The following SCEL variants were observed in gnomAD, a reference collection of about 807,000 sequenced individuals.
SCEL encodes sciellin.
SCEL carries 113 observed loss-of-function variants against 117.6 expected under a neutral mutation model. The ratio of observed to expected loss-of-function variants is 0.96; its 90% CI spans 0.83 to 1.12. SCEL has a LOEUF of 1.12. Among genes scored for constraint, SCEL ranks in the 50% most tolerant of loss-of-function variants. SCEL has a pLI of 0.00. For missense variants in SCEL, 785 were observed against 810.8 expected, an observed-to-expected ratio of 0.97 and a Z score of 0.39; for synonymous variants, 270 against 256.2, an observed-to-expected ratio of 1.05 and a Z score of -0.51.
chr13:77,553,866 T>C (rs2084495450), intron 1 of SCEL, among the ~76,000 whole-genome samples: 1 of 152,144 alleles, frequency 6.6e-6, no homozygotes, highest in Non-Finnish European at 1.5e-5. Context: ...AGACCTGAGC[T>C]AATAACATAC....
At chr13:77,622,380 A>G (rs1452044580) in intron 27 of SCEL, among the ~76,000 whole-genome samples, 1 of 152,212 alleles carries the variant, frequency 6.6e-6, no homozygotes. Flanking sequence ...ATAGTAAGAG[A>G]CATAATTCCT....
At chr13:77,592,158 A>G (rs2154400263) in intron 11 of SCEL, among the ~76,000 whole-genome samples, 1 of 152,254 alleles carries the variant, frequency 6.6e-6, no homozygotes, top group Admixed American at 6.5e-5. Context: ...AAACTTATAT[A>G]CTTTTCATTT....
chr13:77,575,367 T>C (rs2085881365), intron 9 of SCEL, among the ~76,000 whole-genome samples: 1 of 152,200 alleles, frequency 6.6e-6, no homozygotes, highest in East Asian at 1.9e-4. Flanking sequence ...TTCCTACGTC[T>C]ACATCTATAT....
intron 7 of SCEL, 40 bp from the exon 8 acceptor site, chr13:77,569,331 T>A (rs1383304455): frequency 6.6e-7 from 1 of 1,511,670 alleles, no homozygotes; most frequent in East Asian, 2.3e-5. Context: ...AATGAAAAAG[T>A]TTGAGAGTGG....
rs576592999 is a variant in SCEL at position 77,555,478 on chromosome 13, T to C, written c.-19-379T>C. Among the ~76,000 whole-genome samples, 3 of 152,336 alleles carry C rather than the reference T, an allele frequency of 2.0e-5. No homozygotes were observed. In the East Asian group the frequency reaches 5.8e-4, roughly 29 times the overall value. The stretch of plus-strand genomic sequence containing the variant: ...GTTCAGCACAATCTCTCTCTCTCCC[T>C]CTTGACTATGCCCAGACACTTGTCT... On this transcript the variant is annotated intron_variant, in intron 1 of 32. Transcript: ENST00000349847.
At chr13:77,608,187 T>C in intron 20 of SCEL, 72 bp downstream of exon 20, 2 of 1,209,022 alleles carry the variant, frequency 1.7e-6, no homozygotes, top group Non-Finnish European at 2.4e-6. Context: ...AGAAGATGTG[T>C]TGAAAAACCT....
At chr13:77,547,089 T>C (rs1321253029) in intron 1 of SCEL, among the ~76,000 whole-genome samples, 1 of 152,192 alleles carries the variant, frequency 6.6e-6, no homozygotes, top group Non-Finnish European at 1.5e-5. Flanking sequence ...ATATCAGATA[T>C]GCAATCATTG....
Position 77,538,115 on chromosome 13 carries a change from C to CTT in SCEL, c.-20+2310_-20+2311dup, listed in dbSNP as rs35197581. Among the ~76,000 whole-genome samples the CTT allele has an allele frequency of 5.0e-3, 643 of 128,940 alleles. 8 individuals are homozygous for CTT. Among genetic ancestry groups the CTT allele is most frequent in the African/African-American group, 0.017 (608 of 35,406 alleles). The allele number at this position is 128,940 out of a possible 152,430, so 84.6% of individuals were successfully genotyped here. On this transcript the variant is annotated intron_variant, in intron 1 of 32. Coordinates refer to ENST00000349847, the MANE Select transcript of SCEL (RefSeq NM_144777.3). ...CAAAGCTCACTTCTGAATCAAAAGT[C>CTT]TTTTTTTTTTTTTTTTTTTTAAATG...
intron 1 of SCEL, among the ~76,000 whole-genome samples, chr13:77,537,241 C>T (rs188417215): frequency 6.6e-4 from 101 of 152,296 alleles, no homozygotes; most frequent in Middle Eastern, 3.4e-3. Flanking sequence ...TCAACTGAAA[C>T]GGAGCATAGG....
At chr13:77,610,674 C>T (rs1442513773) in intron 22 of SCEL, among the ~76,000 whole-genome samples, 1 of 152,026 alleles carries the variant, frequency 6.6e-6, no homozygotes, top group Non-Finnish European at 1.5e-5. Context: ...GGGGATTCCC[C>T]ATGAGACAAA....
intron 28 of SCEL, among the ~76,000 whole-genome samples, chr13:77,631,611 C>A (rs1304318500): frequency 6.6e-6 from 1 of 152,130 alleles, no homozygotes; most frequent in East Asian, 1.9e-4. Context: ...TGGAATTTTT[C>A]TGTACATTTA....
chr13:77,579,447 G>A (rs757567114), intron 9 of SCEL, among the ~76,000 whole-genome samples: 10 of 152,106 alleles, frequency 6.6e-5, no homozygotes, highest in Non-Finnish European at 1.0e-4. Context: ...TTGTCTTTTT[G>A]TAGTTGTGCT....
intron 11 of SCEL, among the ~76,000 whole-genome samples, chr13:77,593,300 G>GTGTGCGTGCGTC (rs1555510801): frequency 6.9e-6 from 1 of 145,148 alleles, no homozygotes; most frequent in Non-Finnish European, 1.5e-5. Context: ...GTGTGTGTCT[G>GTGTGCGTGCGTC]TGTGTGTGTG....
At chr13:77,576,084 C>T (rs1479522158) in intron 9 of SCEL, among the ~76,000 whole-genome samples, 1 of 152,186 alleles carries the variant, frequency 6.6e-6, no homozygotes, top group Non-Finnish European at 1.5e-5. Flanking sequence ...ACCTACTCAG[C>T]TGACACCCTT....
intron 9 of SCEL, among the ~76,000 whole-genome samples, chr13:77,587,325 A>T (rs926582447): frequency 6.6e-6 from 1 of 151,966 alleles, no homozygotes; most frequent in African/African-American, 2.4e-5. Context: ...TCTCAAAGTC[A>T]TCTGTCTAGT....
chr13:77,552,948 C>T (rs927671854), intron 1 of SCEL, among the ~76,000 whole-genome samples: 7 of 152,148 alleles, frequency 4.6e-5, no homozygotes, highest in African/African-American at 1.7e-4. Flanking sequence ...TTTCCCAGCA[C>T]CATTTATTAA....
Position 77,536,537 on chromosome 13 carries a change from G to A in SCEL, c.-20+713G>A, listed in dbSNP as rs117621157. ...TAAGGAGTGATTAATGTATATGGGG[G>A]CAATTTTCAAACTTTATTCATAGCC... On this transcript the variant is annotated intron_variant, in intron 1 of 32. Transcript: ENST00000349847. 7.3e-3 allele frequency among the ~76,000 whole-genome samples: 1,117 copies of A among 152,288 alleles called. 5 individuals carry two copies. The highest frequency in any genetic ancestry group is 0.012 in the Non-Finnish European group (801 of 68,016).
rs1478111050 is a variant in SCEL at position 77,608,096 on chromosome 13, G to T, written c.1198G>T (p.Val400Leu). 9 of 1,613,134 alleles carry T rather than the reference G, an allele frequency of 5.6e-6. No individual in the cohort carries two copies. The highest frequency in any genetic ancestry group is 1.7e-5 in the Admixed American group (1 of 59,954). ...LDNLIKVTPEVKRSNQGSKDL... is the reference protein window; with the variant it reads ...LDNLIKVTPELKRSNQGSKDL... ...TAATCTCATCAAAGTGACCCCTGAAGTAAAGAGAAGTAACCAAGGGTGAGG... is the reference window on the plus strand; with the variant it reads ...TAATCTCATCAAAGTGACCCCTGAATTAAAGAGAAGTAACCAAGGGTGAGG... Residue 400 changes from valine (V) to leucine (L), a missense_variant, in exon 20 of 33, where the codon GTA becomes TTA. Physicochemically the swap from Val to Leu is conservative, Grantham distance 32. Transcript: ENST00000349847.
At chr13:77,571,394 AAT>A (rs1478732767) in intron 8 of SCEL, among the ~76,000 whole-genome samples, 6 of 142,746 alleles carry the variant, frequency 4.2e-5, no homozygotes, top group Admixed American at 1.4e-4. Context: ...AAAAAAAAAA[AAT>A]TATATTTTGA....
Sources: allele counts gnomAD v4.1 joint callset (sites outside exome capture counted in the v4.1 genomes callset), GRCh38; gene constraint gnomAD v4.1.1; transcripts MANE v1.5; gene names NCBI Gene and HGNC (gene_info 2026-07-23, HGNC 2026-07-21).